STS: variants seen among roughly 807,000 people sequenced by gnomAD.
STS encodes steroid sulfatase.
In STS, 7 loss-of-function variants were observed where a neutral mutation model predicts 26.8. The observed-to-expected ratio is 0.26, with a 90% CI of 0.15 to 0.49. The LOEUF is 0.49. STS is among the 20% of genes least tolerant of loss of function. STS has a pLI of 0.98. For synonymous variants in STS, 199 were observed against 189.4 expected, an observed-to-expected ratio of 1.05 and a Z score of -0.42; for missense variants, 434 against 465.6, an observed-to-expected ratio of 0.93 and a Z score of 0.63.
intron 2 of STS, among the ~76,000 whole-genome samples, chrX:7,207,342 G>A (rs1278848254): frequency 8.9e-6 from 1 of 112,293 alleles, no homozygotes; most frequent in African/African-American, 3.2e-5. Flanking sequence ...TTGCCGACAT[G>A]AATTTGTTGG....
intron 2 of STS, among the ~76,000 whole-genome samples, chrX:7,231,949 T>G (rs1922081583): frequency 9.0e-6 from 1 of 110,710 alleles, no homozygotes; most frequent in Admixed American, 9.7e-5. Flanking sequence ...TAAAGCTGAC[T>G]GCTCTTTTCA....
At position 7,259,718 on chromosome X, in the gene STS, C is replaced by T. The variant is rs1923636746; in HGVS notation, c.752C>T (p.Ser251Phe). 1 of 1,211,571 alleles carries T rather than the reference C, an allele frequency of 8.3e-7. No homozygotes were observed. The highest frequency in any genetic ancestry group is 1.7e-5 in the African/African-American group (1 of 57,814). ...RNYEIIQQPM[S>F]YDNLTQRLTV... ...TACGAGATCATTCAGCAGCCCATGT[C>T]CTATGACAATCTCACCCAGAGGCTA... is the stretch of plus-strand genomic sequence containing the variant. Residue 251 changes from serine (S) to phenylalanine (F), a missense_variant, in exon 6 of 11, where the codon TCC (serine) becomes TTC (phenylalanine). By Grantham distance (155) the Ser-to-Phe change is radical. Coordinates refer to ENST00000674429, the MANE Select transcript of STS (RefSeq NM_001320752.2).
At chrX:7,173,404 C>T (rs766620228) in intron 1 of STS, among the ~76,000 whole-genome samples, 1 of 111,558 alleles carries the variant, frequency 9.0e-6, no homozygotes, top group African/African-American at 3.3e-5. Flanking sequence ...TGAACATACA[C>T]GTGCATGTAT....
intron 1 of STS, among the ~76,000 whole-genome samples, chrX:7,150,754 C>A (rs1459705422): frequency 9.4e-5 from 10 of 106,373 alleles, no homozygotes; most frequent in African/African-American, 1.7e-4. Context: ...AAAAAAAAAA[C>A]AAACTGAATG....
Position 7,162,493 on chromosome X carries a change from C to T in STS, c.-134+14410C>T, listed in dbSNP as rs975687715. Among the ~76,000 whole-genome samples, 4 of 110,779 alleles carry T rather than the reference C, an allele frequency of 3.6e-5. No homozygotes were observed. In the Admixed American group the frequency reaches 3.9e-4, roughly 11 times the overall value. On this transcript the variant is annotated intron_variant, in intron 1 of 10. Coordinates refer to ENST00000674429, the MANE Select transcript of STS (RefSeq NM_001320752.2). Reference sequence around the variant, plus strand: ...AGATGGCTTAGGGTCCCGGGTTCCTCTTGGCGGTTCCAAGACTGGGAGATT... The same window carrying T: ...AGATGGCTTAGGGTCCCGGGTTCCTTTTGGCGGTTCCAAGACTGGGAGATT...
At chrX:7,305,015 T>G in intron 7 of STS, 31 bp from the exon 8 acceptor site, 1 of 1,208,761 alleles carries the variant, frequency 8.3e-7, no homozygotes, top group East Asian at 3.0e-5. Flanking sequence ...GAATATGCAT[T>G]ATTTTTAAAT....
chrX:7,341,741 A>G (rs1327830789), intron 10 of STS, among the ~76,000 whole-genome samples: 4 of 110,633 alleles, frequency 3.6e-5, no homozygotes, highest in Non-Finnish European at 7.6e-5. Context: ...TCATAATGAC[A>G]GCTGGTTCCT....
chrX:7,221,117 G>A (rs1282546916), intron 2 of STS, among the ~76,000 whole-genome samples: 6 of 112,306 alleles, frequency 5.3e-5, no homozygotes, highest in South Asian at 3.7e-4. Flanking sequence ...AGTCTTCTTC[G>A]TAGGAGCTGC....
chrX:7,313,404 AAC>A (rs1926571168), intron 8 of STS, among the ~76,000 whole-genome samples: 1 of 112,208 alleles, frequency 8.9e-6, no homozygotes, highest in African/African-American at 3.2e-5. Flanking sequence ...GTCATTCAAT[AAC>A]ACAGCTTTCT....
intron 10 of STS, among the ~76,000 whole-genome samples, chrX:7,342,548 G>GGTTTC (rs1478755306): frequency 1.8e-5 from 2 of 112,444 alleles, no homozygotes; most frequent in African/African-American, 6.5e-5. Context: ...GGCTGGCTGT[G>GGTTTC]AAACAGATGC....
At chrX:7,247,859 G>A (rs1473359538) in intron 2 of STS, among the ~76,000 whole-genome samples, 1 of 112,034 alleles carries the variant, frequency 8.9e-6, no homozygotes, top group African/African-American at 3.2e-5. Context: ...TAGTGCAGAG[G>A]TTGAGAAATC....
At chrX:7,283,082 C>T (rs764413902) in intron 7 of STS, among the ~76,000 whole-genome samples, 3 of 112,368 alleles carry the variant, frequency 2.7e-5, no homozygotes, top group South Asian at 7.4e-4. Context: ...CAGAGTCTAG[C>T]CTGGATCTTA....
At chrX:7,345,669 G>T (rs1011954501) in intron 10 of STS, among the ~76,000 whole-genome samples, 5 of 111,128 alleles carry the variant, frequency 4.5e-5, no homozygotes, top group African/African-American at 1.6e-4. Context: ...ATGGGCTTTT[G>T]TTCCATTCCA....
intron 2 of STS, among the ~76,000 whole-genome samples, chrX:7,246,100 A>G (rs145664264): frequency 0.019 from 2,098 of 112,411 alleles, 19 homozygotes; most frequent in African/African-American, 0.033. Flanking sequence ...AATTGTCTCA[A>G]AACAGCTGTT....
At chrX:7,293,715 G>C (rs1312274314) in intron 7 of STS, among the ~76,000 whole-genome samples, 1 of 111,954 alleles carries the variant, frequency 8.9e-6, no homozygotes, top group Non-Finnish European at 1.9e-5. Flanking sequence ...AGGATATGTA[G>C]ATATTGTGTA....
At chrX:7,275,857 T>C in intron 6 of STS, 94 bp from the exon 7 acceptor site, 9 of 1,034,918 alleles carry the variant, frequency 8.7e-6, no homozygotes, top group Admixed American at 2.8e-5. Flanking sequence ...TAGCCTGCTA[T>C]GATAATAGGT....
At chrX:7,280,466 A>G (rs191805218) in intron 7 of STS, among the ~76,000 whole-genome samples, 3 of 112,133 alleles carry the variant, frequency 2.7e-5, no homozygotes, top group African/African-American at 9.7e-5. Context: ...CTGATTTTCA[A>G]TCCCAGTTAA....
intron 2 of STS, among the ~76,000 whole-genome samples, chrX:7,245,185 A>T (rs1922806398): frequency 9.0e-6 from 1 of 111,327 alleles, no homozygotes; most frequent in Non-Finnish European, 1.9e-5. Context: ...GGGACCCCTG[A>T]TGCTCCAACC....
In STS at chrX:7,212,572, C is replaced by A. The variant is rs183683237; in HGVS notation, c.-5+21564C>A. 1.4e-4 allele frequency among the ~76,000 whole-genome samples: 16 copies of A among 112,023 alleles called. No homozygotes were observed. In the East Asian group the frequency reaches 4.2e-3, roughly 30 times the overall value. On this transcript the variant is annotated intron_variant, in intron 2 of 10. Coordinates refer to ENST00000674429, the MANE Select transcript of STS (RefSeq NM_001320752.2). ...AAAGGGGATTTTATACAATGCGTAC[C>A]TTTGACTTTGTGCCTTCTTGCCCCA...
Sources: gnomAD v4.1 joint callset for allele counts (sites outside exome capture counted in the v4.1 genomes callset) on GRCh38, gnomAD v4.1.1 for gene constraint, MANE v1.5 for transcripts, NCBI Gene and HGNC (gene_info 2026-07-23, HGNC 2026-07-21) for gene names.